The following NRP1 variants were observed in gnomAD, a reference collection of about 807,000 sequenced individuals.
NRP1 encodes the protein neuropilin 1.
Under a neutral mutation model 106.7 loss-of-function variants are expected in NRP1, and 35 were observed. The observed-to-expected ratio is 0.33, with a 90% CI of 0.25 to 0.43. The LOEUF is 0.43. Ranked by LOEUF, NRP1 falls within the 20% of genes least tolerant of loss-of-function variation. The pLI is 1.00. For synonymous variants in NRP1, 437 were observed against 417.9 expected (o/e 1.05, Z -0.56); for missense variants, 1,024 against 1,170.4 (o/e 0.87, Z 1.83).
chr10:33,186,637 G>A, intron 13 of NRP1, 149 bp from the exon 14 acceptor site: 1 of 847,954 alleles, frequency 1.2e-6, no homozygotes, highest in Non-Finnish European at 1.8e-6. Context: ...TGCACACTTG[G>A]GGACCTCATG....
intron 3 of NRP1, among the ~76,000 whole-genome samples, chr10:33,267,742 T>C (rs1333906254): frequency 1.3e-5 from 2 of 152,050 alleles, no homozygotes; most frequent in African/African-American, 2.4e-5. Context: ...TGGAAATAAA[T>C]GTAGGGCTGG....
chr10:33,210,266 A>G (rs1019761454), intron 9 of NRP1, among the ~76,000 whole-genome samples: 6 of 152,056 alleles, frequency 3.9e-5, no homozygotes, highest in African/African-American at 1.4e-4. Context: ...GCTGCCAGTA[A>G]TTGAGACTCT....
At chr10:33,327,089 C>T (rs182740339) in intron 2 of NRP1, among the ~76,000 whole-genome samples, 1 of 152,192 alleles carries the variant, frequency 6.6e-6, no homozygotes, top group African/African-American at 2.4e-5. Context: ...GCTAAGGCAT[C>T]GATTTCTTAA....
intron 15 of NRP1, among the ~76,000 whole-genome samples, chr10:33,183,071 C>T (rs78119139): frequency 0.016 from 2,425 of 152,170 alleles, 56 homozygotes; most frequent in African/African-American, 0.055. Flanking sequence ...TGGCTCGTGC[C>T]TATAATTCCA....
intron 2 of NRP1, among the ~76,000 whole-genome samples, chr10:33,287,541 G>T (rs1317877721): frequency 2.0e-5 from 3 of 152,206 alleles, no homozygotes; most frequent in Admixed American, 2.0e-4. Flanking sequence ...TTAGAAGCTT[G>T]GAGAGAAAGA....
chr10:33,221,657 A>G, intron 8 of NRP1, 62 bp downstream of exon 8: 1 of 1,542,016 alleles, frequency 6.5e-7, no homozygotes, highest in Non-Finnish European at 8.9e-7. Flanking sequence ...AAAGGTTTGC[A>G]TAAATCAAAA....
At chr10:33,260,169 G>T (rs1356487365) in intron 4 of NRP1, among the ~76,000 whole-genome samples, 1 of 151,960 alleles carries the variant, frequency 6.6e-6, no homozygotes, top group African/African-American at 2.4e-5. Context: ...TGGCCTAAAG[G>T]TATCCTTTTT....
intron 2 of NRP1, among the ~76,000 whole-genome samples, chr10:33,300,173 C>A (rs933228611): frequency 1.3e-5 from 2 of 152,196 alleles, no homozygotes; most frequent in African/African-American, 4.8e-5. Context: ...TTTCTTCTAA[C>A]CTTGGTGTCA....
chr10:33,235,037 T>G (rs200029468), intron 6 of NRP1, among the ~76,000 whole-genome samples: 1 of 152,196 alleles, frequency 6.6e-6, no homozygotes, highest in Admixed American at 6.5e-5. Flanking sequence ...TGAAAGGAGA[T>G]AGTGCTTACA....
chr10:33,271,295 C>T (rs986948493), intron 2 of NRP1, among the ~76,000 whole-genome samples: 1 of 152,274 alleles, frequency 6.6e-6, no homozygotes, highest in African/African-American at 2.4e-5. Context: ...TCTCTATGAA[C>T]AATACTTTGA....
At chr10:33,300,070 G>C (rs1292512576) in intron 2 of NRP1, among the ~76,000 whole-genome samples, 2 of 152,186 alleles carry the variant, frequency 1.3e-5, no homozygotes, top group Admixed American at 1.3e-4. Context: ...ACAATGTCTA[G>C]CATCTTCACA....
chr10:33,220,638 G>A (rs574342591), intron 8 of NRP1, among the ~76,000 whole-genome samples: 1 of 152,288 alleles, frequency 6.6e-6, no homozygotes, highest in Non-Finnish European at 1.5e-5. Flanking sequence ...GCTCACGCCT[G>A]TAATCCCAGC....
intron 11 of NRP1, chr10:33,201,556 A>G (rs1216124650): frequency 6.6e-6 from 1 of 152,170 alleles, no homozygotes; most frequent in Non-Finnish European, 1.5e-5. Flanking sequence ...TCTGTTTTTT[A>G]TATCAGTGGT....
intron 3 of NRP1, among the ~76,000 whole-genome samples, chr10:33,265,127 ACAAAC>A (rs141135683): frequency 0.029 from 4,433 of 152,074 alleles, 100 homozygotes; most frequent in Non-Finnish European, 0.049. Context: ...AAACAAACAA[ACAAAC>A]AAACAAACAA....
At chr10:33,206,442 A>G (rs1837790932) in intron 10 of NRP1, 2 of 409,696 alleles carry the variant, frequency 4.9e-6, no homozygotes, top group South Asian at 3.7e-5. Flanking sequence ...CTTTTAAATA[A>G]ACACATTGAA....
intron 6 of NRP1, among the ~76,000 whole-genome samples, chr10:33,244,514 C>G (rs1841269157): frequency 6.6e-6 from 1 of 152,182 alleles, no homozygotes; most frequent in Admixed American, 6.5e-5. Flanking sequence ...TTAAATACCA[C>G]AGACAGGAAC....
chr10:33,295,853 G>T (rs1174345632), intron 2 of NRP1, among the ~76,000 whole-genome samples: 2 of 152,094 alleles, frequency 1.3e-5, no homozygotes, highest in Admixed American at 1.3e-4. Context: ...GGCTAAAAGG[G>T]CTGCCTATTA....
In NRP1 at chr10:33,185,738, A is replaced by C; in HGVS notation, c.2335-14T>G. On this transcript the variant is annotated splice_polypyrimidine_tract_variant and intron_variant, in intron 14 of 16. Transcript: ENST00000374867. Reference sequence around the variant, plus strand: ...CTCGAAAATCACCTAACAAAATAAGATCATTTTCACAGTATTGAAATGCTC... The same window carrying C: ...CTCGAAAATCACCTAACAAAATAAGCTCATTTTCACAGTATTGAAATGCTC... The C allele has an allele frequency of 6.2e-7, 1 of 1,606,326 alleles. No homozygotes were observed. Among genetic ancestry groups the C allele is most frequent in the Non-Finnish European group, 8.5e-7 (1 of 1,172,936 alleles).
intron 4 of NRP1, among the ~76,000 whole-genome samples, chr10:33,257,734 G>C (rs17505094): frequency 0.17 from 25,269 of 152,146 alleles, 2,221 homozygotes; most frequent in African/African-American, 0.19. Flanking sequence ...AAATTGCCTT[G>C]GGAAGAGTGC....
Sources: gnomAD v4.1 joint callset for allele counts (sites outside exome capture counted in the v4.1 genomes callset) on GRCh38, gnomAD v4.1.1 for gene constraint, MANE v1.5 for transcripts, NCBI Gene and HGNC (gene_info 2026-07-23, HGNC 2026-07-21) for gene names.